STPG4: variants seen among roughly 807,000 people sequenced by gnomAD.
STPG4 encodes the protein protein STPG4.
STPG4 carries 41 observed loss-of-function variants against 31.5 expected under a neutral mutation model. The ratio of observed to expected loss-of-function variants is 1.30; its 90% confidence interval spans 1.01 to 1.69. STPG4 has a LOEUF of 1.69. STPG4 is among the 40% of genes most tolerant of loss of function. STPG4 has a pLI of 0.00. For missense variants in STPG4, 375 were observed against 293.4 expected, an observed-to-expected ratio of 1.28 and a Z score of -2.03; for synonymous variants, 141 against 103.0, an observed-to-expected ratio of 1.37 and a Z score of -2.24.
At chr2:47,093,519 C>T (rs965022900) in intron 5 of STPG4, among the ~76,000 whole-genome samples, 10 of 152,270 alleles carry the variant, frequency 6.6e-5, no homozygotes, top group Middle Eastern at 3.4e-3. Flanking sequence ...GCTGAGTGTG[C>T]GACCATTGAT....
In STPG4 at chr2:47,130,180, A is replaced by G. The variant is rs554970924; in HGVS notation, c.464+16T>C. ...TGTAAACAGAAAGGCAGCTTATTTA[A>G]TAAGTATATAATTACCTGGAAGCAT... On this transcript the variant is annotated intron_variant, in intron 4 of 6. Coordinates refer to ENST00000445927, the MANE Select transcript of STPG4 (RefSeq NM_001163561.2). 1.2e-6 allele frequency: 2 copies of G among 1,607,454 alleles called. No homozygotes were observed. Among genetic ancestry groups the G allele is most frequent in the Non-Finnish European group, 1.7e-6 (2 of 1,173,994 alleles).
chr2:47,151,475 A>G lies in STPG4; in HGVS notation c.182T>C (p.Ile61Thr), dbSNP rs770583472. The change falls in exon 3 of 7, where the codon ATT becomes ACT. Residue 61 changes from isoleucine (I) to threonine (T), a missense_variant. Transcript: ENST00000445927. Reference protein sequence around the residue: ...IPGTYHLKTFIEESLLNPVIA... With the variant: ...IPGTYHLKTFTEESLLNPVIA... ...CACTGGATTTAATAGGGATTCTTCA[A>G]TAAAAGTTTTCAAGTGGTAAGTGCC... 15 of 1,613,864 alleles carry G rather than the reference A, an allele frequency of 9.3e-6. No homozygotes were observed. In the African/African-American group the frequency reaches 2.0e-4, roughly 22 times the overall value.
chr2:47,127,252 CTTTTTTT>C (rs57475505), intron 5 of STPG4, among the ~76,000 whole-genome samples: 14 of 57,472 alleles, frequency 2.4e-4, no homozygotes, highest in African/African-American at 1.1e-3. Flanking sequence ...CAAGCTAATT[CTTTTTTT>C]TTTTTTTTTT....
chr2:47,128,187 C>T (rs1267923610), intron 5 of STPG4, among the ~76,000 whole-genome samples: 10 of 152,286 alleles, frequency 6.6e-5, no homozygotes, highest in South Asian at 4.1e-4. Context: ...CCCTTCCCTT[C>T]CCCCAAACAA....
chr2:47,100,662 T>C (rs533282732), intron 5 of STPG4, among the ~76,000 whole-genome samples: 15 of 151,808 alleles, frequency 9.9e-5, no homozygotes, highest in Admixed American at 3.3e-4. Context: ...CCACACTGCT[T>C]TTATGAGCTG....
intron 3 of STPG4, among the ~76,000 whole-genome samples, chr2:47,138,797 C>T (rs748283002): frequency 1.3e-5 from 2 of 152,116 alleles, no homozygotes; most frequent in Non-Finnish European, 2.9e-5. Context: ...ATCTGCCTGC[C>T]TAGGCTTCCC....
At chr2:47,087,241 G>A in intron 6 of STPG4, 111 bp from the exon 7 acceptor site, 3 of 1,266,578 alleles carry the variant, frequency 2.4e-6, no homozygotes, top group Non-Finnish European at 3.3e-6. Flanking sequence ...CAAGGATGAA[G>A]ACCAGGGCCA....
chr2:47,116,557 C>T (rs564168943), intron 5 of STPG4, among the ~76,000 whole-genome samples: 3 of 152,278 alleles, frequency 2.0e-5, no homozygotes, highest in South Asian at 2.1e-4. Flanking sequence ...GCATAGCACA[C>T]GTGTTCCATG....
Position 47,155,194 on chromosome 2 carries a change from CA to C in STPG4, c.57del (p.Gly20GlufsTer25), listed in dbSNP as rs773986764. 3 of 1,614,180 alleles carry C rather than the reference CA, an allele frequency of 1.9e-6. No individual in the cohort carries two copies. Among genetic ancestry groups the C allele is most frequent in the East Asian group, 2.2e-5 (1 of 44,862 alleles). Reference sequence around the variant, plus strand: ...ACCGAAGCTGTGATGAATGATTCTCCACCCACCAGGTCTTCCCTTATTGAGG... The same window carrying C: ...ACCGAAGCTGTGATGAATGATTCTCCCCCACCAGGTCTTCCCTTATTGAGG... Reference protein sequence around the residue: ...ASTSIREDLVGGESFITASKP... With the variant: ...ASTSIREDLVXGESFITASKP... On this transcript the variant is annotated frameshift_variant, in exon 1 of 7. Coordinates refer to ENST00000445927, the MANE Select transcript of STPG4 (RefSeq NM_001163561.2). LOFTEE classifies it high-confidence loss of function.
At chr2:47,130,093 G>C in intron 4 of STPG4, 98 bp from the exon 5 acceptor site, 2 of 1,478,616 alleles carry the variant, frequency 1.4e-6, no homozygotes, top group Non-Finnish European at 1.9e-6. Flanking sequence ...ATTTTAAAAT[G>C]TTAATTTGCA....
intron 6 of STPG4, among the ~76,000 whole-genome samples, 153 bp from the exon 7 acceptor site, chr2:47,087,283 C>A (rs551733294): frequency 6.6e-6 from 1 of 152,228 alleles, no homozygotes; most frequent in African/African-American, 2.4e-5. Context: ...GGCAGACCCT[C>A]GAATTGGAGC....
intron 5 of STPG4, among the ~76,000 whole-genome samples, chr2:47,102,591 T>A (rs1394565040): frequency 6.6e-6 from 1 of 151,810 alleles, no homozygotes; most frequent in Non-Finnish European, 1.5e-5. Context: ...AAGCTTGCAA[T>A]TTACATCCCA....
chr2:47,109,541 T>C (rs1263525024), intron 5 of STPG4, among the ~76,000 whole-genome samples: 1 of 141,766 alleles, frequency 7.1e-6, no homozygotes, highest in Admixed American at 7.5e-5. Flanking sequence ...TGGGTGATAG[T>C]GAGACTATGT....
At chr2:47,091,366 G>A (rs569933725) in intron 5 of STPG4, among the ~76,000 whole-genome samples, 12 of 152,224 alleles carry the variant, frequency 7.9e-5, no homozygotes, top group Non-Finnish European at 1.8e-4. Flanking sequence ...ATTGGTTGTT[G>A]CAGGAAACCA....
chr2:47,108,818 G>A (rs1685977717), intron 5 of STPG4: 1 of 152,282 alleles, frequency 6.6e-6, no homozygotes, highest in African/African-American at 2.4e-5. Flanking sequence ...ACAGTGATTG[G>A]CCCAGGGGCA....
intron 6 of STPG4, among the ~76,000 whole-genome samples, chr2:47,089,527 G>T (rs1380356267): frequency 6.6e-6 from 1 of 152,138 alleles, no homozygotes; most frequent in African/African-American, 2.4e-5. Context: ...CTTACAGGCA[G>T]AATTTGTATT....
chr2:47,139,246 T>A (rs1342104573), intron 3 of STPG4, among the ~76,000 whole-genome samples: 1 of 152,238 alleles, frequency 6.6e-6, no homozygotes, highest in Non-Finnish European at 1.5e-5. Context: ...TTGCCTCACA[T>A]ATTTTGACGA....
intron 2 of STPG4, 84 bp from the exon 3 acceptor site, chr2:47,151,599 G>A: frequency 9.2e-7 from 1 of 1,090,278 alleles, no homozygotes; most frequent in East Asian, 2.4e-5. Context: ...AAGCTCCCAA[G>A]TAACATCTCT....
chr2:47,123,593 G>A (rs758871177), intron 5 of STPG4, among the ~76,000 whole-genome samples: 18 of 152,198 alleles, frequency 1.2e-4, no homozygotes, highest in Non-Finnish European at 2.4e-4. Context: ...CTGAGAAAGT[G>A]GTATTTCAGT....
Sources: allele counts gnomAD v4.1 joint callset (sites outside exome capture counted in the v4.1 genomes callset), GRCh38; gene constraint gnomAD v4.1.1; transcripts MANE v1.5; gene names NCBI Gene and HGNC (gene_info 2026-07-23, HGNC 2026-07-21).